The following VIPR2 variants were observed in gnomAD, a reference collection of about 807,000 sequenced individuals.
VIPR2 encodes the protein vasoactive intestinal peptide receptor 2.
Under a neutral mutation model 58.0 loss-of-function variants are expected in VIPR2, and 48 were observed. The ratio of observed to expected loss-of-function variants is 0.83; its 90% confidence interval spans 0.66 to 1.05. The LOEUF is 1.05. Ranked by LOEUF, VIPR2 falls within the 50% of genes least tolerant of loss-of-function variation. The probability of loss-of-function intolerance (pLI) is 0.00; values close to 1 mark genes in which losing one functional copy is unlikely to be tolerated. For missense variants in VIPR2, 534 were observed against 558.0 expected (o/e 0.96, Z 0.43); for synonymous variants, 243 against 235.2 (o/e 1.03, Z -0.30).
At chr7:159,132,248 C>T (rs377254957) in intron 2 of VIPR2, among the ~76,000 whole-genome samples, 5,096 of 137,244 alleles carry the variant, frequency 0.037, 11 homozygotes, top group South Asian at 0.046. Flanking sequence ...GGGCAGCCCC[C>T]GGGCCACTGC....
At chr7:159,125,498 G>T (rs545562305) in intron 2 of VIPR2, among the ~76,000 whole-genome samples, 1 of 152,250 alleles carries the variant, frequency 6.6e-6, no homozygotes, top group African/African-American at 2.4e-5. Flanking sequence ...CCAACCCTCT[G>T]GTTACTCTCA....
intron 1 of VIPR2, among the ~76,000 whole-genome samples, chr7:159,143,239 G>A (rs1797545602): frequency 6.6e-6 from 1 of 152,186 alleles, no homozygotes; most frequent in South Asian, 2.1e-4. Context: ...ACTACACAAT[G>A]CTTCCTCTCA....
At chr7:159,086,315 C>T (rs1857165228) in intron 4 of VIPR2, among the ~76,000 whole-genome samples, 1 of 152,180 alleles carries the variant, frequency 6.6e-6, no homozygotes, top group South Asian at 2.1e-4. Flanking sequence ...ACTTGTTTTG[C>T]CCATGGAGTC....
At position 159,083,532 on chromosome 7, in the gene VIPR2, C is replaced by T. The variant is rs563396398; in HGVS notation, c.357+20225G>A. Among the ~76,000 whole-genome samples the T allele has an allele frequency of 6.2e-4, 95 of 152,300 alleles. 1 individual carries two copies. In the South Asian group the frequency reaches 8.7e-3, roughly 14 times the overall value. ...AGTGACCATAGCAGAGTCCTTCACA[C>T]AGCACGCGGGTTCAACAGCTTTCCA... On this transcript the variant is annotated intron_variant, in intron 4 of 12. Transcript: ENST00000262178.
Position 159,144,713 on chromosome 7 carries a change from G to A in VIPR2, c.51+8C>T. ...GCGCCGTGGGGCGGGGGTCGCGGGC[G>A]CACTCACGGGGGCGAGCAGCCAGCA... On this transcript the variant is annotated splice_region_variant and intron_variant, in intron 1 of 12. Transcript: ENST00000262178. 2.3e-6 allele frequency: 3 copies of A among 1,329,580 alleles called. No homozygotes were observed. The highest frequency in any genetic ancestry group is 2.9e-6 in the Non-Finnish European group (3 of 1,041,134). The allele number at this position is 1,329,580 out of a possible 1,614,324, so 82.4% of individuals were successfully genotyped here. A position where few individuals can be genotyped will look rare whatever the true frequency, so the allele number is the denominator to read the frequency against.
chr7:159,031,588 G>T lies in VIPR2; in HGVS notation c.1143+240C>A, dbSNP rs1338412188. On this transcript the variant is annotated intron_variant, in intron 12 of 12. Coordinates refer to ENST00000262178, the MANE Select transcript of VIPR2 (RefSeq NM_003382.5). This position sits in a 1 kb window ranked among gnomAD's most constrained non-coding sequence, Gnocchi z 4.0. ...TTCCCGAGAGGGCTCCGAGACGGAC[G>T]GCAGTCGATGCTACTTAGGGTGGAC... 1 of 985,288 alleles carries T rather than the reference G, an allele frequency of 1.0e-6. No individual in the cohort carries two copies. The highest frequency in any genetic ancestry group is 1.2e-6 in the Non-Finnish European group (1 of 829,928). 61.0% of individuals were successfully genotyped at this position (985,288 alleles called of 1,614,324 possible). A position where few individuals can be genotyped will look rare whatever the true frequency, so the allele number is the denominator to read the frequency against.
intron 4 of VIPR2, among the ~76,000 whole-genome samples, chr7:159,065,023 G>A (rs908924139): frequency 1.3e-5 from 2 of 152,130 alleles, no homozygotes; most frequent in Non-Finnish European, 2.9e-5. Flanking sequence ...GAGCCATGGC[G>A]GGCCCACTGC....
intron 5 of VIPR2, among the ~76,000 whole-genome samples, chr7:159,053,920 G>A (rs1855149987): frequency 6.6e-6 from 1 of 152,166 alleles, no homozygotes; most frequent in Non-Finnish European, 1.5e-5. Flanking sequence ...AAGTACAAAT[G>A]GCCAAGCTCT....
At chr7:159,144,411 C>G (rs1056375783) in intron 1 of VIPR2, 1 of 1,547,230 alleles carries the variant, frequency 6.5e-7, no homozygotes. Context: ...GGGACGGCCC[C>G]GAACGAGCTC....
intron 4 of VIPR2, among the ~76,000 whole-genome samples, chr7:159,101,195 G>A (rs1259845597): frequency 2.1e-5 from 3 of 140,880 alleles, no homozygotes; most frequent in Non-Finnish European, 4.6e-5. Flanking sequence ...ATAGTGAACG[G>A]GTCTCACGAG....
chr7:159,047,774 C>T (rs1482340735), intron 5 of VIPR2, among the ~76,000 whole-genome samples: 1 of 152,186 alleles, frequency 6.6e-6, no homozygotes, highest in Non-Finnish European at 1.5e-5. Context: ...AGACAATGAA[C>T]TTAATGATCT....
At chr7:159,089,785 C>T (rs1857359599) in intron 4 of VIPR2, among the ~76,000 whole-genome samples, 1 of 152,218 alleles carries the variant, frequency 6.6e-6, no homozygotes, top group Non-Finnish European at 1.5e-5. Context: ...ACTGGCTGTA[C>T]ACTGCATACA....
At chr7:159,079,176 T>C (rs12668528) in intron 4 of VIPR2, among the ~76,000 whole-genome samples, 52,953 of 151,976 alleles carry the variant, frequency 0.35, 10,852 homozygotes, top group African/African-American at 0.58. Context: ...CAACCACGGC[T>C]CCACCCGCTC....
Position 159,030,517 on chromosome 7 carries a change from C to T in VIPR2, c.*99G>A. 1 of 1,408,208 alleles carries T rather than the reference C, an allele frequency of 7.1e-7. No homozygotes were observed. Among genetic ancestry groups the T allele is most frequent in the Non-Finnish European group, 9.4e-7 (1 of 1,065,776 alleles). The allele number at this position is 1,408,208 out of a possible 1,614,324, so 87.2% of individuals were successfully genotyped here. ...GTCAGGACCGCGCTGACCTGCCCGA[C>T]ACGGTGCTCGGGCATCTGGAAGGAG... On this transcript the variant is annotated 3_prime_UTR_variant, in exon 13 of 13. Coordinates refer to ENST00000262178, the MANE Select transcript of VIPR2 (RefSeq NM_003382.5).
chr7:159,109,591 C>A (rs1795909792), intron 3 of VIPR2, among the ~76,000 whole-genome samples: 1 of 152,172 alleles, frequency 6.6e-6, no homozygotes, highest in Non-Finnish European at 1.5e-5. Context: ...TGGTTCTTTC[C>A]CTGTAGTTGC....
chr7:159,063,201 G>A (rs912890346), intron 4 of VIPR2, among the ~76,000 whole-genome samples: 15 of 152,262 alleles, frequency 9.9e-5, no homozygotes, highest in African/African-American at 2.6e-4. Context: ...GCACTTGTAA[G>A]GGAGGCTAGA....
chr7:159,129,266 G>C (rs1236442132), intron 2 of VIPR2, among the ~76,000 whole-genome samples: 246 of 132,828 alleles, frequency 1.9e-3, no homozygotes, highest in African/African-American at 3.7e-3. Context: ...ACTGGCCTCT[G>C]GGGGGGACAG....
chr7:159,131,740 T>G (rs1377430735), intron 2 of VIPR2, among the ~76,000 whole-genome samples: 2 of 152,190 alleles, frequency 1.3e-5, no homozygotes, highest in African/African-American at 4.8e-5. Flanking sequence ...TGATTTTGGT[T>G]ATCACCAGAG....
At chr7:159,062,001 T>C (rs1194305402) in intron 4 of VIPR2, among the ~76,000 whole-genome samples, 2 of 152,156 alleles carry the variant, frequency 1.3e-5, no homozygotes, top group Admixed American at 1.3e-4. Context: ...AGCCCCGTCC[T>C]GAGAAGCCTG....
Sources: gnomAD v4.1 joint callset for allele counts (sites outside exome capture counted in the v4.1 genomes callset) on GRCh38, gnomAD v4.1.1 for gene constraint, Gnocchi (gnomAD v3.1) non-coding constraint, MANE v1.5 for transcripts, NCBI Gene and HGNC (gene_info 2026-07-23, HGNC 2026-07-21) for gene names.